Variants in FBRSL1 observed in about 807,000 individuals in gnomAD.
The protein encoded by FBRSL1 is fibrosin like 1.
A neutral mutation model predicts 89.6 loss-of-function variants in FBRSL1; 51 were observed. The observed-to-expected ratio is 0.57, with a 90% CI of 0.45 to 0.72. The LOEUF is 0.72. Ranked by LOEUF, FBRSL1 falls within the 30% of genes least tolerant of loss-of-function variation. The pLI is 0.00. For synonymous variants in FBRSL1, 779 were observed against 681.1 expected, an observed-to-expected ratio of 1.14 and a Z score of -2.24; for missense variants, 1,618 against 1,451.8, an observed-to-expected ratio of 1.11 and a Z score of -1.86.
chr12:132,491,836 C>G (rs2031039164), intron 1 of FBRSL1, among the ~76,000 whole-genome samples: 1 of 152,260 alleles, frequency 6.6e-6, no homozygotes, highest in South Asian at 2.1e-4. Context: ...GGCCCCAGAA[C>G]AGGTGCCGCA....
chr12:132,583,104 G>A lies in FBRSL1; in HGVS notation c.2335G>A (p.Glu779Lys), dbSNP rs1352624519. ...CGGGGCCCCCGCGGAGCGCGAGGCC[G>A]AACCTCGGGTCAAGGAGAGCCGCTC... ...RSGAPAEREA[E>K]PRVKESRSPA... The change falls in exon 19 of 19, where the codon GAA becomes AAA. Residue 779 changes from glutamate (E) to lysine (K), a missense_variant. Physicochemically the swap from Glu to Lys is moderately conservative, Grantham distance 56 (BLOSUM62 1). Transcript: ENST00000680143. 3 of 1,455,430 alleles carry A rather than the reference G, an allele frequency of 2.1e-6. No individual in the cohort carries two copies. Among genetic ancestry groups the A allele is most frequent in the East Asian group, 3.1e-5 (1 of 31,978 alleles). The allele number at this position is 1,455,430 out of a possible 1,614,324, so 90.2% of individuals were successfully genotyped here.
intron 4 of FBRSL1, among the ~76,000 whole-genome samples, chr12:132,535,256 A>C (rs1037645858): frequency 6.6e-6 from 1 of 152,254 alleles, no homozygotes; most frequent in Non-Finnish European, 1.5e-5. Flanking sequence ...AAGAAAGGTC[A>C]GCCACGTGCT....
At chr12:132,500,299 A>G (rs2032760431) in intron 1 of FBRSL1, among the ~76,000 whole-genome samples, 1 of 152,032 alleles carries the variant, frequency 6.6e-6, no homozygotes, top group African/African-American at 2.4e-5. Context: ...TTACACCCCC[A>G]CTGTGGGTGC....
intron 4 of FBRSL1, among the ~76,000 whole-genome samples, chr12:132,531,156 G>T (rs558015234): frequency 5.0e-4 from 76 of 152,104 alleles, no homozygotes; most frequent in Admixed American, 8.5e-4. Flanking sequence ...ACCAAGAACC[G>T]GTCCCATGGG....
chr12:132,546,361 C>G lies in FBRSL1; in HGVS notation c.616-1642C>G, dbSNP rs1006759773. On this transcript the variant is annotated intron_variant, in intron 4 of 18. Transcript: ENST00000680143. The surrounding 1 kb of genome is among the most constrained non-coding windows in gnomAD (Gnocchi z 4.0). The stretch of plus-strand genomic sequence containing the variant: ...TGCAGCCTCCGGGGCGGGATGGGCC[C>G]GGTTCTGACTTGGAGCCCTCAGTTC... Among the ~76,000 whole-genome samples the G allele has an allele frequency of 6.6e-6, 1 of 152,046 alleles. No homozygotes were observed. Among genetic ancestry groups the G allele is most frequent in the South Asian group, 2.1e-4 (1 of 4,808 alleles).
intron 4 of FBRSL1, among the ~76,000 whole-genome samples, chr12:132,542,553 C>T (rs1285161832): frequency 3.9e-5 from 6 of 152,258 alleles, no homozygotes; most frequent in Non-Finnish European, 8.8e-5. Context: ...CTCACTGGCC[C>T]TGCCTCAGCC....
chr12:132,543,540 G>A (rs756483106), intron 4 of FBRSL1, among the ~76,000 whole-genome samples: 2 of 152,188 alleles, frequency 1.3e-5, no homozygotes, highest in Non-Finnish European at 2.9e-5. Flanking sequence ...AGCAGCCATC[G>A]GTGCTCATGA....
At chr12:132,493,530 C>T (rs1379057458) in intron 1 of FBRSL1, among the ~76,000 whole-genome samples, 1 of 152,200 alleles carries the variant, frequency 6.6e-6, no homozygotes, top group East Asian at 1.9e-4. Flanking sequence ...CAGACCCCCA[C>T]TCGCAGCCCC....
intron 2 of FBRSL1, among the ~76,000 whole-genome samples, chr12:132,521,812 C>T (rs2035384692): frequency 6.6e-6 from 1 of 152,226 alleles, no homozygotes; most frequent in Admixed American, 6.5e-5. Flanking sequence ...CCCGGGAGGG[C>T]ACCTTCTGCT....
chr12:132,582,339 GGTTCCCCCTCCCCC>G (rs1196104836), intron 18 of FBRSL1, 73 bp downstream of exon 18: 1 of 1,187,536 alleles, frequency 8.4e-7, no homozygotes, highest in Non-Finnish European at 1.1e-6. Context: ...CGTCATCCCC[GGTTCCCCCTCCCCC>G]GTTCCCTCTT....
intron 1 of FBRSL1, among the ~76,000 whole-genome samples, chr12:132,492,151 C>T (rs937026863): frequency 2.6e-5 from 4 of 152,206 alleles, no homozygotes; most frequent in African/African-American, 9.7e-5. Flanking sequence ...CAGCTGAGAC[C>T]ACGAGGATGC....
chr12:132,493,320 T>C (rs1427704385), intron 1 of FBRSL1, among the ~76,000 whole-genome samples: 1 of 152,212 alleles, frequency 6.6e-6, no homozygotes, highest in African/African-American at 2.4e-5. Flanking sequence ...TGCTGGAGGA[T>C]GGGACGCTCA....
At chr12:132,571,271 C>T (rs2039990038) in intron 9 of FBRSL1, 40 bp downstream of exon 9, 3 of 1,492,306 alleles carry the variant, frequency 2.0e-6, no homozygotes, top group Non-Finnish European at 1.8e-6. Flanking sequence ...CCGCGGCCAA[C>T]GTGCCTCTCT....
At chr12:132,521,303 G>A (rs547780718) in intron 2 of FBRSL1, among the ~76,000 whole-genome samples, 1 of 152,322 alleles carries the variant, frequency 6.6e-6, no homozygotes, top group Non-Finnish European at 1.5e-5. Context: ...ACTCAGACAC[G>A]GATGGCGGCA....
chr12:132,540,762 C>G (rs117378421), intron 4 of FBRSL1, among the ~76,000 whole-genome samples: 1,775 of 152,196 alleles, frequency 0.012, 42 homozygotes, highest in East Asian at 0.12. Context: ...CCCGGGGGGG[C>G]CCCTCCCCGA....
intron 14 of FBRSL1, among the ~76,000 whole-genome samples, chr12:132,576,584 A>G (rs1175588336): frequency 1.3e-5 from 2 of 152,230 alleles, no homozygotes; most frequent in East Asian, 3.8e-4. Flanking sequence ...TACGTACCAC[A>G]GTTCAGAGGA....
chr12:132,577,542 G>A (rs559591873), intron 15 of FBRSL1, among the ~76,000 whole-genome samples: 2 of 152,172 alleles, frequency 1.3e-5, no homozygotes, highest in East Asian at 3.9e-4. Context: ...GACTTGGCCT[G>A]TACTGTCCTC....
intron 11 of FBRSL1, among the ~76,000 whole-genome samples, chr12:132,573,385 G>A (rs1229244204): frequency 1.3e-5 from 2 of 152,190 alleles, no homozygotes; most frequent in Non-Finnish European, 2.9e-5. Context: ...TAGTGCTTCC[G>A]AGGACCAGGC....
chr12:132,576,602 T>C (rs75487622), intron 14 of FBRSL1, among the ~76,000 whole-genome samples, 197 bp from the exon 15 acceptor site: 1 of 152,172 alleles, frequency 6.6e-6, no homozygotes, highest in African/African-American at 2.4e-5. Context: ...GGACGTGAGC[T>C]CTCCCGTTCA....
Sources: gnomAD v4.1 joint callset for allele counts (sites outside exome capture counted in the v4.1 genomes callset) on GRCh38, gnomAD v4.1.1 for gene constraint, Gnocchi (gnomAD v3.1) non-coding constraint, MANE v1.5 for transcripts, NCBI Gene and HGNC (gene_info 2026-07-23, HGNC 2026-07-21) for gene names.